The following SNTG1 variants were observed in gnomAD, a reference collection of about 807,000 sequenced individuals.
SNTG1 encodes syntrophin gamma 1, also known as gamma-1-syntrophin.
In SNTG1, 39 loss-of-function variants were observed where a neutral mutation model predicts 74.7. The ratio of observed to expected loss-of-function variants is 0.52; its 90% confidence interval spans 0.40 to 0.68. The LOEUF is 0.68. Ranked by LOEUF, SNTG1 falls within the 30% of genes least tolerant of loss-of-function variation. The pLI is 0.00. For missense variants in SNTG1, 685 were observed against 609.5 expected, an observed-to-expected ratio of 1.12 and a Z score of -1.30; for synonymous variants, 254 against 217.1, an observed-to-expected ratio of 1.17 and a Z score of -1.49.
chr8:49,999,287 C>G (rs953024896), intron 1 of SNTG1, among the ~76,000 whole-genome samples: 20 of 152,270 alleles, frequency 1.3e-4, no homozygotes, highest in Admixed American at 3.9e-4. Context: ...CTCTTTTTCT[C>G]CCTCTACATT....
intron 1 of SNTG1, among the ~76,000 whole-genome samples, chr8:49,986,551 A>G (rs1264296784): frequency 1.3e-5 from 2 of 152,046 alleles, no homozygotes; most frequent in Non-Finnish European, 1.5e-5. Flanking sequence ...TAAACATCTG[A>G]GTGGCCATGC....
chr8:50,208,939 C>T (rs887594508), intron 2 of SNTG1, among the ~76,000 whole-genome samples: 3 of 152,076 alleles, frequency 2.0e-5, no homozygotes, highest in African/African-American at 7.2e-5. Flanking sequence ...AGGGCATCGC[C>T]TCACCTGGGA....
intron 1 of SNTG1, among the ~76,000 whole-genome samples, chr8:50,040,727 A>C (rs892596107): frequency 1.3e-5 from 2 of 152,206 alleles, no homozygotes; most frequent in Admixed American, 6.5e-5. Flanking sequence ...TTTAAAAAAT[A>C]CATTGATGAG....
intron 1 of SNTG1, among the ~76,000 whole-genome samples, chr8:50,048,388 T>C (rs1819282034): frequency 6.6e-6 from 1 of 152,216 alleles, no homozygotes; most frequent in Non-Finnish European, 1.5e-5. Context: ...TTACTGCTGC[T>C]AGCCCTGAAA....
chr8:50,368,721 T>C (rs1398945624), intron 2 of SNTG1, among the ~76,000 whole-genome samples: 1 of 152,128 alleles, frequency 6.6e-6, no homozygotes, highest in Non-Finnish European at 1.5e-5. Flanking sequence ...AACCAAATGG[T>C]TGGGGTTGTC....
intron 1 of SNTG1, among the ~76,000 whole-genome samples, chr8:50,001,860 T>G (rs541119323): frequency 2.6e-5 from 4 of 152,282 alleles, no homozygotes; most frequent in African/African-American, 9.6e-5. Context: ...ATTTGATTTA[T>G]ACAACCTTCT....
rs71550218 is a variant in SNTG1 at position 50,221,512 on chromosome 8, TACACACACACACAC to T, written c.-28+48903_-28+48916del. 4.5e-4 allele frequency among the ~76,000 whole-genome samples: 58 copies of T among 130,206 alleles called. 1 individual carries two copies. Among genetic ancestry groups the T allele is most frequent in the African/African-American group, 1.3e-3 (48 of 36,918 alleles). 85.4% of individuals were successfully genotyped at this position (130,206 alleles called of 152,430 possible). ...TCTGCTACCCCTCCCAACACACACA[TACACACACACACAC>T]ACACACACACACACACACACACACA... On this transcript the variant is annotated intron_variant, in intron 2 of 18. Coordinates refer to ENST00000642720, the MANE Select transcript of SNTG1 (RefSeq NM_018967.5).
chr8:50,027,287 C>A (rs1463175278), intron 1 of SNTG1, among the ~76,000 whole-genome samples: 6 of 152,122 alleles, frequency 3.9e-5, no homozygotes, highest in African/African-American at 1.2e-4. Context: ...CTGGCCTTGG[C>A]TTCTCTGATC....
At chr8:50,085,301 C>T (rs912644490) in intron 1 of SNTG1, among the ~76,000 whole-genome samples, 4 of 152,188 alleles carry the variant, frequency 2.6e-5, no homozygotes, top group African/African-American at 9.7e-5. Flanking sequence ...AGCATCTACA[C>T]TCTCCTTTTT....
intron 8 of SNTG1, among the ~76,000 whole-genome samples, chr8:50,497,178 T>C (rs1457631061): frequency 6.6e-6 from 1 of 152,008 alleles, no homozygotes; most frequent in Non-Finnish European, 1.5e-5. Flanking sequence ...TCACTTATAC[T>C]TGAAAAAAAC....
chr8:50,036,649 A>G (rs1361001129), intron 1 of SNTG1, among the ~76,000 whole-genome samples: 1 of 152,222 alleles, frequency 6.6e-6, no homozygotes, highest in Non-Finnish European at 1.5e-5. Flanking sequence ...ATGTAAACAG[A>G]CAATAATACG....
chr8:50,632,663 C>T (rs2095009566), intron 13 of SNTG1, among the ~76,000 whole-genome samples: 1 of 152,154 alleles, frequency 6.6e-6, no homozygotes, highest in Non-Finnish European at 1.5e-5. Flanking sequence ...TATGCTATTA[C>T]TATTATGAAA....
In SNTG1 at chr8:50,104,064, T is replaced by C. The variant is rs144360408; in HGVS notation, c.-102-68497T>C. The stretch of plus-strand genomic sequence containing the variant: ...CTGCCCAGCTTTGGCATCAGGATGA[T>C]GCTGGCCTCATAAAATGAGTTAGGG... On this transcript the variant is annotated intron_variant, in intron 1 of 18. Coordinates refer to ENST00000642720, the MANE Select transcript of SNTG1 (RefSeq NM_018967.5). 8.7e-3 allele frequency among the ~76,000 whole-genome samples: 1,325 copies of C among 152,328 alleles called. 26 individuals carry two copies. Among genetic ancestry groups the C allele is most frequent in the African/African-American group, 0.03 (1,253 of 41,584 alleles).
At chr8:50,341,597 A>T (rs2091320480) in intron 2 of SNTG1, among the ~76,000 whole-genome samples, 1 of 151,990 alleles carries the variant, frequency 6.6e-6, no homozygotes, top group Admixed American at 6.6e-5. Flanking sequence ...AAATTTTAAT[A>T]GGAGGAAAGA....
At chr8:50,038,794 C>T (rs150516724) in intron 1 of SNTG1, among the ~76,000 whole-genome samples, 1 of 152,148 alleles carries the variant, frequency 6.6e-6, no homozygotes, top group Non-Finnish European at 1.5e-5. Context: ...ATTTGATGCT[C>T]TCTTATAATA....
intron 13 of SNTG1, among the ~76,000 whole-genome samples, chr8:50,598,547 GCTTTGA>G: frequency 1.3e-5 from 2 of 151,880 alleles, no homozygotes; most frequent in Middle Eastern, 6.8e-3. Flanking sequence ...GTTCAAGATG[GCTTTGA>G]CTACTGGGAG....
rs529812979 is a variant in SNTG1 at position 50,425,134 on chromosome 8, C to T, written c.163-13409C>T. Reference sequence around the variant, plus strand: ...GAAGAAATGGCACAAGATTTGCGTCCGGGCAGGTGAAAGCTAAGTGGAGAT... The same window carrying T: ...GAAGAAATGGCACAAGATTTGCGTCTGGGCAGGTGAAAGCTAAGTGGAGAT... On this transcript the variant is annotated intron_variant, in intron 4 of 18. Coordinates refer to ENST00000642720, the MANE Select transcript of SNTG1 (RefSeq NM_018967.5). Among the ~76,000 whole-genome samples, 6 of 152,076 alleles carry T rather than the reference C, an allele frequency of 3.9e-5. No individual in the cohort carries two copies. The East Asian group carries it at 7.7e-4, about 20-fold the overall frequency.
At chr8:50,730,997 T>C (rs1304330657) in intron 17 of SNTG1, among the ~76,000 whole-genome samples, 7 of 152,222 alleles carry the variant, frequency 4.6e-5, no homozygotes, top group Admixed American at 6.6e-5. Context: ...TTATTACTTC[T>C]AATTTACAGT....
rs528596733 is a variant in SNTG1, at chr8:50,784,049, C to G, written c.1396-8622C>G. On this transcript the variant is annotated intron_variant, in intron 18 of 18. Transcript: ENST00000642720. ...TAGGGGTAGAATTTCAGGTTTACTACTTTACCTCCACTGGAAGTTAAACAG... is the reference window on the plus strand; with the variant it reads ...TAGGGGTAGAATTTCAGGTTTACTAGTTTACCTCCACTGGAAGTTAAACAG... 1.4e-4 allele frequency among the ~76,000 whole-genome samples: 22 copies of G among 152,310 alleles called. No individual in the cohort carries two copies. The South Asian group carries it at 4.6e-3, about 32-fold the overall frequency.
Sources: gnomAD v4.1 joint callset for allele counts (sites outside exome capture counted in the v4.1 genomes callset) on GRCh38, gnomAD v4.1.1 for gene constraint, MANE v1.5 for transcripts, NCBI Gene and HGNC (gene_info 2026-07-23, HGNC 2026-07-21) for gene names.